ITGA1: variants seen among roughly 807,000 people sequenced by gnomAD.
ITGA1 encodes integrin alpha-1.
Under a neutral mutation model 145.9 loss-of-function variants are expected in ITGA1, and 85 were observed. That is an observed-to-expected ratio of 0.58 (90% confidence interval 0.49 to 0.70). The LOEUF is 0.70. Ranked by LOEUF, ITGA1 falls within the 30% of genes least tolerant of loss-of-function variation. The pLI is 0.00. For synonymous variants in ITGA1, 520 were observed against 495.3 expected, an observed-to-expected ratio of 1.05 and a Z score of -0.66; for missense variants, 1,351 against 1,418.7, an observed-to-expected ratio of 0.95 and a Z score of 0.77.
chr5:52,910,570 T>C, intron 14 of ITGA1, 151 bp downstream of exon 14: 1 of 708,078 alleles, frequency 1.4e-6, no homozygotes. Flanking sequence ...TTTTTATAGA[T>C]TAGTTACTAT....
chr5:52,933,778 T>C (rs918857164), intron 22 of ITGA1, 116 bp from the exon 23 acceptor site: 13 of 422,934 alleles, frequency 3.1e-5, no homozygotes, highest in African/African-American at 1.5e-4. Flanking sequence ...CCCCTATGAT[T>C]TGAAATCCCT....
At chr5:52,937,367 G>A in intron 23 of ITGA1, 34 bp from the exon 24 acceptor site, 1 of 1,339,416 alleles carries the variant, frequency 7.5e-7, no homozygotes, top group Non-Finnish European at 1.1e-6. Flanking sequence ...ATTAAAAGAG[G>A]AAGAAAGATT....
At chr5:52,910,606 A>G (rs990880257) in intron 14 of ITGA1, among the ~76,000 whole-genome samples, 187 bp downstream of exon 14, 1 of 149,528 alleles carries the variant, frequency 6.7e-6, no homozygotes, top group Non-Finnish European at 1.5e-5. Context: ...CAAACAAACT[A>G]TAAATATACA....
chr5:52,901,210 T>C (rs1398914427), intron 11 of ITGA1, among the ~76,000 whole-genome samples: 1 of 152,064 alleles, frequency 6.6e-6, no homozygotes, highest in Admixed American at 6.5e-5. Context: ...GCTTTAAAGA[T>C]GGAGGGGGGC....
At chr5:52,908,587 G>A (rs150817170) in intron 12 of ITGA1, among the ~76,000 whole-genome samples, 13 of 152,230 alleles carry the variant, frequency 8.5e-5, no homozygotes, top group African/African-American at 2.9e-4. Flanking sequence ...AATCACTATA[G>A]TATTACTGAC....
intron 1 of ITGA1, among the ~76,000 whole-genome samples, chr5:52,838,728 G>C (rs1184458179): frequency 6.6e-6 from 1 of 152,084 alleles, no homozygotes; most frequent in Non-Finnish European, 1.5e-5. Flanking sequence ...ATTTGTAAAA[G>C]TCTAGGCATG....
chr5:52,884,546 AC>A (rs541357987), intron 7 of ITGA1, among the ~76,000 whole-genome samples: 37 of 152,200 alleles, frequency 2.4e-4, no homozygotes, highest in Middle Eastern at 6.8e-3. Flanking sequence ...CTCAAGAGGA[AC>A]CTTTATGATG....
chr5:52,834,733 G>T (rs567567459), intron 1 of ITGA1, among the ~76,000 whole-genome samples: 1 of 151,620 alleles, frequency 6.6e-6, no homozygotes, highest in African/African-American at 2.4e-5. Context: ...GAAAGAGAGA[G>T]AGAGATCTGG....
intron 1 of ITGA1, among the ~76,000 whole-genome samples, chr5:52,822,534 G>T (rs542578351): frequency 7.2e-5 from 11 of 152,294 alleles, no homozygotes; most frequent in Non-Finnish European, 1.5e-4. Flanking sequence ...TGAGTATCCG[G>T]ACTGCTCTGC....
chr5:52,945,270 T>A (rs1751117639), intron 27 of ITGA1, among the ~76,000 whole-genome samples: 1 of 152,190 alleles, frequency 6.6e-6, no homozygotes, highest in African/African-American at 2.4e-5. Context: ...CGCATTTGAC[T>A]TTATCACTTA....
chr5:52,858,665 A>G (rs908653109), intron 2 of ITGA1, among the ~76,000 whole-genome samples: 5 of 152,158 alleles, frequency 3.3e-5, no homozygotes, highest in African/African-American at 9.7e-5. Flanking sequence ...TACGTATTTT[A>G]CAACTGAAAA....
chr5:52,890,437 A>T (rs923381133), intron 8 of ITGA1, among the ~76,000 whole-genome samples: 4 of 152,200 alleles, frequency 2.6e-5, no homozygotes, highest in Non-Finnish European at 5.9e-5. Context: ...AATACAGTGA[A>T]ATGCAAGGTT....
intron 6 of ITGA1, among the ~76,000 whole-genome samples, chr5:52,874,978 A>G (rs138872145): frequency 2.6e-3 from 401 of 152,308 alleles, no homozygotes; most frequent in African/African-American, 9.2e-3. Context: ...AATAAAATAT[A>G]CCAGGTCTTC....
In ITGA1 at chr5:52,881,912, T is replaced by C. The variant is rs763007581; in HGVS notation, c.664T>C (p.Phe222Leu). The change falls in exon 7 of 29, where the codon TTC (phenylalanine) becomes CTC (leucine). Residue 222 changes from phenylalanine (F) to leucine (L), a missense_variant. By Grantham distance (22) the Phe-to-Leu change is conservative (BLOSUM62 0). Coordinates refer to ENST00000282588, the MANE Select transcript of ITGA1 (RefSeq NM_181501.2). ...VQYGENVTHEFNLNKYSSTEE... is the reference protein window; with the variant it reads ...VQYGENVTHELNLNKYSSTEE... ...GTATGGAGAAAACGTGACCCATGAG[T>C]TCAACCTCAATAAGTATTCTTCCAC... 1.2e-6 allele frequency: 2 copies of C among 1,613,570 alleles called. No homozygotes were observed. Among genetic ancestry groups the C allele is most frequent in the South Asian group, 2.2e-5 (2 of 91,028 alleles).
At chr5:52,924,330 G>C (rs1428225347) in intron 18 of ITGA1, among the ~76,000 whole-genome samples, 1 of 152,188 alleles carries the variant, frequency 6.6e-6, no homozygotes, top group Non-Finnish European at 1.5e-5. Context: ...CTGAAGTTGT[G>C]CCATTTCAGT....
At chr5:52,817,264 T>C (rs1748791948) in intron 1 of ITGA1, among the ~76,000 whole-genome samples, 1 of 152,220 alleles carries the variant, frequency 6.6e-6, no homozygotes, top group Non-Finnish European at 1.5e-5. Flanking sequence ...GTCCCAGGCT[T>C]GGTTTCAAGA....
Position 52,946,868 on chromosome 5 carries a change from A to C in ITGA1, c.3379-477A>C, listed in dbSNP as rs551111499. 6.6e-5 allele frequency among the ~76,000 whole-genome samples: 10 copies of C among 152,326 alleles called. No homozygotes were observed. The South Asian group carries it at 1.9e-3, about 28-fold the overall frequency. On this transcript the variant is annotated intron_variant, in intron 27 of 28. Transcript: ENST00000282588. ...AAACATTCACTTACCCATACACTTG[A>C]CATGTATGCATTATACTTTCAATTT...
intron 1 of ITGA1, among the ~76,000 whole-genome samples, chr5:52,825,488 G>A (rs546581708): frequency 6.6e-6 from 1 of 152,256 alleles, no homozygotes; most frequent in South Asian, 2.1e-4. Flanking sequence ...GTGATCAGTG[G>A]TGCCAGGAAC....
intron 23 of ITGA1, 133 bp from the exon 24 acceptor site, chr5:52,937,268 A>G (rs1203514759): frequency 1.5e-6 from 1 of 662,440 alleles, no homozygotes; most frequent in Admixed American, 2.4e-5. Flanking sequence ...AGCACCATAA[A>G]GGATCTACAT....
Sources: allele counts gnomAD v4.1 joint callset (sites outside exome capture counted in the v4.1 genomes callset), GRCh38; gene constraint gnomAD v4.1.1; transcripts MANE v1.5; gene names NCBI Gene and HGNC (gene_info 2026-07-23, HGNC 2026-07-21).